Variants in PLSCR2 observed in about 807,000 individuals in gnomAD.
PLSCR2 encodes the protein phospholipid scramblase 2.
Under a neutral mutation model 25.3 loss-of-function variants are expected in PLSCR2, and 18 were observed. That is an observed-to-expected ratio of 0.71 (90% CI 0.49 to 1.06). PLSCR2 has a LOEUF of 1.06. Ranked by LOEUF, PLSCR2 falls within the 50% of genes least tolerant of loss-of-function variation. The pLI is 0.00. For missense variants in PLSCR2, 243 were observed against 269.5 expected (o/e 0.90, Z 0.69); for synonymous variants, 88 against 87.3 (o/e 1.01, Z -0.04).
chr3:146,460,038 G>C, exon 2 of PLSCR2: 1 of 1,590,522 alleles, frequency 6.3e-7, no homozygotes, highest in Non-Finnish European at 8.6e-7. Context: ...CTGTTTCCCA[G>C]TGTGTCCAGC....
chr3:146,493,038 C>A (rs914533240), intron 1 of PLSCR2, among the ~76,000 whole-genome samples: 1 of 151,550 alleles, frequency 6.6e-6, no homozygotes, highest in East Asian at 1.9e-4. Flanking sequence ...CTTCTATGTA[C>A]ACATATTAGA....
intron 2 of PLSCR2, among the ~76,000 whole-genome samples, chr3:146,403,342 G>A (rs563437065): frequency 1.3e-5 from 2 of 152,226 alleles, no homozygotes; most frequent in South Asian, 2.1e-4. Flanking sequence ...AGCCTGCATC[G>A]AGGTCACCTG....
intron 1 of PLSCR2, among the ~76,000 whole-genome samples, chr3:146,481,654 C>T (rs1007523274): frequency 6.6e-6 from 1 of 152,102 alleles, no homozygotes; most frequent in African/African-American, 2.4e-5. Context: ...GCCATACTGC[C>T]CAAGGTAATT....
At chr3:146,437,881 G>T (rs1273633527), downstream of PLSCR2, among the ~76,000 whole-genome samples, 1 of 152,070 alleles carries the variant, frequency 6.6e-6, no homozygotes, top group African/African-American at 2.4e-5. Flanking sequence ...GTCAATTTTA[G>T]ATCTTTCCTG....
chr3:146,495,817 C>A (rs1248382614), intron 1 of PLSCR2: 3 of 1,151,388 alleles, frequency 2.6e-6, no homozygotes, highest in African/African-American at 1.5e-5. Flanking sequence ...TATGCATAAA[C>A]AAAAGGGAGT....
intron 1 of PLSCR2, among the ~76,000 whole-genome samples, chr3:146,489,925 T>C (rs1379054081): frequency 1.3e-5 from 2 of 152,092 alleles, no homozygotes; most frequent in Non-Finnish European, 2.9e-5. Context: ...TTTCTCCCAC[T>C]TGCTTCAAAA....
intron 2 of PLSCR2, among the ~76,000 whole-genome samples, chr3:146,427,028 G>C (rs559893388): frequency 1.4e-4 from 21 of 152,188 alleles, no homozygotes; most frequent in African/African-American, 5.1e-4. Context: ...TTAAAAGAAT[G>C]CATGCATTTT....
At position 146,457,565 on chromosome 3, in the gene PLSCR2, C is replaced by T. The variant is rs78189748; in HGVS notation, c.100+846G>A. 3.3e-3 allele frequency among the ~76,000 whole-genome samples: 507 copies of T among 152,310 alleles called. 2 individuals carry two copies. Among genetic ancestry groups the T allele is most frequent in the African/African-American group, 0.012 (483 of 41,576 alleles). Reference sequence around the variant, plus strand: ...GGCTAGTAATCTACAGCACGTGGAACAAAGATTCTACTGGGTTCATCCAAA... The same window carrying T: ...GGCTAGTAATCTACAGCACGTGGAATAAAGATTCTACTGGGTTCATCCAAA... On this transcript the variant is annotated intron_variant, in intron 3 of 6. Coordinates refer to ENST00000610787, the Ensembl canonical transcript of PLSCR2.
At chr3:146,458,187 C>A (rs1354797980) in intron 3 of PLSCR2, among the ~76,000 whole-genome samples, 1 of 152,174 alleles carries the variant, frequency 6.6e-6, no homozygotes, top group African/African-American at 2.4e-5. Context: ...TTAATTCACA[C>A]AGGTAGAACC....
chr3:146,475,356 C>T (rs1292631653), intron 1 of PLSCR2, among the ~76,000 whole-genome samples: 1 of 151,838 alleles, frequency 6.6e-6, no homozygotes, highest in Non-Finnish European at 1.5e-5. Flanking sequence ...GCCATTTTTG[C>T]GGGGGTCATT....
intron 2 of PLSCR2, among the ~76,000 whole-genome samples, chr3:146,421,991 T>TGAGC (rs1056482897): frequency 1.3e-5 from 2 of 152,132 alleles, no homozygotes; most frequent in Non-Finnish European, 2.9e-5. Context: ...AGTTGAGTCA[T>TGAGC]GAGCGATGGC....
chr3:146,422,526 C>T (rs2039186698), intron 2 of PLSCR2, among the ~76,000 whole-genome samples: 1 of 151,998 alleles, frequency 6.6e-6, no homozygotes, highest in Non-Finnish European at 1.5e-5. Context: ...AGAAAATAAA[C>T]TTTCATCATT....
At chr3:146,452,281 A>AT (rs1307107333) in intron 5 of PLSCR2, among the ~76,000 whole-genome samples, 1 of 152,202 alleles carries the variant, frequency 6.6e-6, no homozygotes, top group East Asian at 1.9e-4. Context: ...AGTAAAAAAA[A>AT]AGAATTGTAG....
chr3:146,440,935 A>G (rs1447757406), downstream of PLSCR2, among the ~76,000 whole-genome samples: 1 of 152,238 alleles, frequency 6.6e-6, no homozygotes, highest in Non-Finnish European at 1.5e-5. Flanking sequence ...TGTAACTAAC[A>G]TATTCTGGGA....
chr3:146,487,214 GA>G (rs1239394877), intron 1 of PLSCR2, among the ~76,000 whole-genome samples: 1 of 152,022 alleles, frequency 6.6e-6, no homozygotes, highest in African/African-American at 2.4e-5. Flanking sequence ...ATATCATACT[GA>G]ATGGGCAACA....
At chr3:146,443,283 A>G (rs1376552698) in intron 6 of PLSCR2, among the ~76,000 whole-genome samples, 1 of 152,064 alleles carries the variant, frequency 6.6e-6, no homozygotes, top group African/African-American at 2.4e-5. Context: ...CTGGCCTCAT[A>G]GAATAAGTTT....
chr3:146,485,113 GAAAA>G (rs34815576), intron 1 of PLSCR2, among the ~76,000 whole-genome samples: 1 of 134,266 alleles, frequency 7.4e-6, no homozygotes, highest in African/African-American at 2.7e-5. Context: ...CAACTGGAAA[GAAAA>G]AAAAAAAAAG....
intron 1 of PLSCR2, among the ~76,000 whole-genome samples, chr3:146,485,050 G>C (rs1272329458): frequency 6.6e-6 from 1 of 151,240 alleles, no homozygotes; most frequent in Non-Finnish European, 1.5e-5. Context: ...CCTATCTTCT[G>C]TACAAAGACA....
At chr3:146,488,454 T>A (rs1049646195) in intron 1 of PLSCR2, among the ~76,000 whole-genome samples, 1 of 152,042 alleles carries the variant, frequency 6.6e-6, no homozygotes, top group African/African-American at 2.4e-5. Flanking sequence ...ATATCCAGAA[T>A]CTACAAGGAA....
Sources: gnomAD v4.1 joint callset for allele counts (sites outside exome capture counted in the v4.1 genomes callset) on GRCh38, gnomAD v4.1.1 for gene constraint, MANE v1.5 for transcripts, NCBI Gene and HGNC (gene_info 2026-07-23, HGNC 2026-07-21) for gene names.